NKAIN2: variants seen among roughly 807,000 people sequenced by gnomAD.
NKAIN2 encodes the protein sodium/potassium transporting ATPase interacting 2.
In NKAIN2, 14 loss-of-function variants were observed where a neutral mutation model predicts 32.6. The observed-to-expected ratio is 0.43, with a 90% CI of 0.28 to 0.67. The LOEUF is 0.67. NKAIN2 is among the 30% of genes least tolerant of loss of function. The pLI is 0.17. For missense variants in NKAIN2, 198 were observed against 258.3 expected (o/e 0.77, Z 1.60); for synonymous variants, 80 against 87.2 (o/e 0.92, Z 0.46).
chr6:124,021,894 C>CT (rs1312195830), intron 1 of NKAIN2, among the ~76,000 whole-genome samples: 2 of 152,002 alleles, frequency 1.3e-5, no homozygotes, highest in Non-Finnish European at 2.9e-5. Context: ...TAATCATACT[C>CT]TTTTTTTATT....
At chr6:123,875,247 A>G (rs1773118564) in intron 1 of NKAIN2, among the ~76,000 whole-genome samples, 1 of 152,020 alleles carries the variant, frequency 6.6e-6, no homozygotes, top group Non-Finnish European at 1.5e-5. Context: ...AATTCCTAAA[A>G]TGGAGTTATT....
intron 4 of NKAIN2, among the ~76,000 whole-genome samples, chr6:124,706,612 C>T (rs925981543): frequency 6.6e-6 from 1 of 152,048 alleles, no homozygotes. Flanking sequence ...ACTCAAAGAG[C>T]TGAATCCAGG....
At chr6:124,392,537 C>CGCTTGT (rs1562151221) in intron 3 of NKAIN2, among the ~76,000 whole-genome samples, 1 of 151,730 alleles carries the variant, frequency 6.6e-6, no homozygotes, top group Admixed American at 6.6e-5. Context: ...TGTGTGTGTG[C>CGCTTGT]GCTTGTGTGT....
intron 1 of NKAIN2, among the ~76,000 whole-genome samples, chr6:124,096,139 T>A (rs547569895): frequency 6.6e-6 from 1 of 152,330 alleles, no homozygotes; most frequent in Admixed American, 6.5e-5. Context: ...TCTGTTTGAT[T>A]GCAAGAACTG....
intron 1 of NKAIN2, among the ~76,000 whole-genome samples, chr6:123,855,393 C>T (rs1196985304): frequency 1.3e-5 from 2 of 152,218 alleles, no homozygotes; most frequent in East Asian, 1.9e-4. Context: ...CCACTGATTC[C>T]GGAAACTAAT....
chr6:124,512,808 T>G (rs1778764247), intron 3 of NKAIN2, among the ~76,000 whole-genome samples: 1 of 152,156 alleles, frequency 6.6e-6, no homozygotes, highest in African/African-American at 2.4e-5. Context: ...ACCCTGATAA[T>G]TTTTCTGGGT....
At chr6:124,048,778 T>G (rs59546166) in intron 1 of NKAIN2, among the ~76,000 whole-genome samples, 2,243 of 152,040 alleles carry the variant, frequency 0.015, 53 homozygotes, top group African/African-American at 0.051. Flanking sequence ...GTAAACAAAG[T>G]AAAAAAAGCA....
intron 3 of NKAIN2, chr6:124,391,018 T>C (rs1773120054): frequency 6.6e-6 from 1 of 152,172 alleles, no homozygotes; most frequent in African/African-American, 2.4e-5. Flanking sequence ...AAGTTCTTTG[T>C]AAGTAATACA....
chr6:123,858,080 T>C (rs1775627833), intron 1 of NKAIN2, among the ~76,000 whole-genome samples: 1 of 152,160 alleles, frequency 6.6e-6, no homozygotes, highest in Admixed American at 6.5e-5. Context: ...TATTTTCACA[T>C]ACTATGTGTG....
intron 1 of NKAIN2, among the ~76,000 whole-genome samples, chr6:124,139,340 G>A (rs1348441943): frequency 6.7e-6 from 1 of 149,320 alleles, no homozygotes; most frequent in African/African-American, 2.5e-5. Flanking sequence ...CACCCGCCTC[G>A]GCCTCCCAAA....
At chr6:124,508,251 G>A (rs531724388) in intron 3 of NKAIN2, among the ~76,000 whole-genome samples, 3 of 151,692 alleles carry the variant, frequency 2.0e-5, no homozygotes, top group Admixed American at 6.6e-5. Flanking sequence ...AGTAAGATCC[G>A]GCCTCAAAAA....
At chr6:124,226,560 T>A (rs768784010) in intron 1 of NKAIN2, among the ~76,000 whole-genome samples, 7 of 152,018 alleles carry the variant, frequency 4.6e-5, no homozygotes, top group Non-Finnish European at 1.0e-4. Flanking sequence ...CAAATTTAAA[T>A]CTTGGCCATG....
chr6:124,091,295 A>C (rs1225251241), intron 1 of NKAIN2, among the ~76,000 whole-genome samples: 2 of 152,016 alleles, frequency 1.3e-5, no homozygotes, highest in East Asian at 3.9e-4. Flanking sequence ...ACATGAAAAC[A>C]CTATGTCAGA....
intron 3 of NKAIN2, among the ~76,000 whole-genome samples, chr6:124,402,094 T>G (rs1347418831): frequency 2.6e-5 from 4 of 152,252 alleles, no homozygotes; most frequent in African/African-American, 9.6e-5. Context: ...GAGGTTGTGC[T>G]ACTAACATTT....
At chr6:124,677,547 A>G (rs1274988884) in intron 4 of NKAIN2, among the ~76,000 whole-genome samples, 2 of 152,188 alleles carry the variant, frequency 1.3e-5, no homozygotes, top group Non-Finnish European at 2.9e-5. Flanking sequence ...AAAACATCAT[A>G]TAGGTAAAAC....
At chr6:124,166,714 C>A (rs1241177654) in intron 1 of NKAIN2, among the ~76,000 whole-genome samples, 1 of 151,912 alleles carries the variant, frequency 6.6e-6, no homozygotes, top group East Asian at 1.9e-4. Context: ...AGGAAGGGAT[C>A]CAGTTTCAGC....
At chr6:124,073,807 C>T (rs964447996) in intron 1 of NKAIN2, among the ~76,000 whole-genome samples, 1 of 152,084 alleles carries the variant, frequency 6.6e-6, no homozygotes, top group Non-Finnish European at 1.5e-5. Context: ...CCCTGCTCCC[C>T]CACCCCCACC....
At chr6:123,879,320 G>A (rs1315093287) in intron 1 of NKAIN2, among the ~76,000 whole-genome samples, 1 of 152,100 alleles carries the variant, frequency 6.6e-6, no homozygotes, top group Non-Finnish European at 1.5e-5. Flanking sequence ...GTCTCCAATA[G>A]GTAAATCTAA....
At chr6:123,850,225 A>G (rs565803987) in intron 1 of NKAIN2, among the ~76,000 whole-genome samples, 18 of 151,824 alleles carry the variant, frequency 1.2e-4, no homozygotes, top group African/African-American at 4.1e-4. Context: ...TCAAACAGCA[A>G]TGATTGAGGA....
Sources: allele counts gnomAD v4.1 joint callset (sites outside exome capture counted in the v4.1 genomes callset), GRCh38; gene constraint gnomAD v4.1.1; transcripts MANE v1.5; gene names NCBI Gene and HGNC (gene_info 2026-07-23, HGNC 2026-07-21).